The following FBXL17 variants were observed in gnomAD, a reference collection of about 807,000 sequenced individuals.
FBXL17 encodes the protein F-box and leucine rich repeat protein 17, also known as F-box/LRR-repeat protein 17.
FBXL17 carries 22 observed loss-of-function variants against 66.2 expected under a neutral mutation model. The observed-to-expected ratio is 0.33, with a 90% CI of 0.24 to 0.47. The LOEUF (loss-of-function observed/expected upper bound fraction) is 0.47. FBXL17 is among the 20% of genes least tolerant of loss of function. The probability of loss-of-function intolerance (pLI) is 1.00; values close to 1 mark genes in which losing one functional copy is unlikely to be tolerated. For synonymous variants in FBXL17, 474 were observed against 400.5 expected (o/e 1.18, Z -2.19); for missense variants, 878 against 948.2 (o/e 0.93, Z 0.97).
intron 7 of FBXL17, among the ~76,000 whole-genome samples, chr5:107,980,932 C>T (rs918737409): frequency 5.3e-5 from 8 of 151,896 alleles, no homozygotes; most frequent in Non-Finnish European, 1.2e-4. Flanking sequence ...GCATGAGGCA[C>T]CGCGCCCGGC....
At chr5:107,988,816 G>A (rs1053068365) in intron 7 of FBXL17, among the ~76,000 whole-genome samples, 4 of 151,926 alleles carry the variant, frequency 2.6e-5, no homozygotes, top group Non-Finnish European at 4.4e-5. Flanking sequence ...AACTGCCCAC[G>A]CTGGAATTTA....
At chr5:108,093,807 T>C (rs938338855) in intron 6 of FBXL17, among the ~76,000 whole-genome samples, 28 of 152,286 alleles carry the variant, frequency 1.8e-4, no homozygotes, top group African/African-American at 6.5e-4. Context: ...TTTATTCTAA[T>C]GCTTAAATTT....
At chr5:107,946,670 T>C (rs1326169784) in intron 7 of FBXL17, among the ~76,000 whole-genome samples, 1 of 151,938 alleles carries the variant, frequency 6.6e-6, no homozygotes, top group African/African-American at 2.4e-5. Flanking sequence ...CAGAAGCCCC[T>C]GCATAATTTT....
At chr5:108,350,906 C>A (rs964285857) in intron 3 of FBXL17, among the ~76,000 whole-genome samples, 4 of 152,096 alleles carry the variant, frequency 2.6e-5, no homozygotes, top group African/African-American at 9.7e-5. Context: ...GAAGATCTAA[C>A]CCAACAGCAA....
At position 108,276,915 on chromosome 5, in the gene FBXL17, A is replaced by AT. The variant is rs752666653; in HGVS notation, c.1507-52688dup. Reference sequence around the variant, plus strand: ...CATAAGCCAATGCATACCCTGGCTAATTTTTTCTCTAGGCAATTAGAGGAC... The same window carrying AT: ...CATAAGCCAATGCATACCCTGGCTAATTTTTTTCTCTAGGCAATTAGAGGAC... On this transcript the variant is annotated intron_variant, in intron 4 of 8. Coordinates refer to ENST00000542267, the MANE Select transcript of FBXL17 (RefSeq NM_001163315.3). 2.0e-4 allele frequency among the ~76,000 whole-genome samples: 31 copies of AT among 152,156 alleles called. No individual in the cohort carries two copies. The East Asian group carries it at 3.9e-3, about 19-fold the overall frequency.
intron 4 of FBXL17, among the ~76,000 whole-genome samples, chr5:108,314,052 G>T (rs1282462776): frequency 2.6e-5 from 4 of 151,656 alleles, no homozygotes; most frequent in Admixed American, 6.6e-5. Flanking sequence ...AGGTAAATAG[G>T]AGTTCTTTGT....
intron 3 of FBXL17, among the ~76,000 whole-genome samples, chr5:108,356,585 A>G (rs903471860): frequency 2.6e-5 from 4 of 152,142 alleles, no homozygotes; most frequent in African/African-American, 7.2e-5. Flanking sequence ...GTTACATACT[A>G]TATGATTCCA....
chr5:107,930,469 T>G (rs1285634876), intron 7 of FBXL17, among the ~76,000 whole-genome samples: 1 of 152,262 alleles, frequency 6.6e-6, no homozygotes, highest in Non-Finnish European at 1.5e-5. Context: ...TGTTCTTTTC[T>G]GTCACAAAGT....
chr5:108,123,566 G>T (rs1750584591), intron 6 of FBXL17, among the ~76,000 whole-genome samples: 3 of 152,072 alleles, frequency 2.0e-5, no homozygotes, highest in African/African-American at 7.2e-5. Flanking sequence ...ATATCACTGA[G>T]TCTTTTCCTT....
At chr5:108,169,538 C>T (rs564404344) in intron 6 of FBXL17, among the ~76,000 whole-genome samples, 1 of 152,230 alleles carries the variant, frequency 6.6e-6, no homozygotes, top group South Asian at 2.1e-4. Flanking sequence ...TTATGTTTCT[C>T]CAGCATTTTT....
chr5:107,910,419 C>T (rs1420343897), intron 7 of FBXL17, among the ~76,000 whole-genome samples: 1 of 152,010 alleles, frequency 6.6e-6, no homozygotes, highest in Non-Finnish European at 1.5e-5. Context: ...AGCAGAGATT[C>T]TCACTAAAAA....
At chr5:108,176,274 G>A (rs1752791917) in intron 6 of FBXL17, among the ~76,000 whole-genome samples, 1 of 152,012 alleles carries the variant, frequency 6.6e-6, no homozygotes. Context: ...TCATAACAAG[G>A]AAATATGTTT....
chr5:108,142,379 G>A (rs1751383682), intron 6 of FBXL17, among the ~76,000 whole-genome samples: 1 of 152,062 alleles, frequency 6.6e-6, no homozygotes, highest in Non-Finnish European at 1.5e-5. Context: ...ATTCTTAAAA[G>A]GTGTTTAATG....
intron 4 of FBXL17, among the ~76,000 whole-genome samples, chr5:108,226,918 T>G (rs1296701930): frequency 6.6e-6 from 1 of 152,168 alleles, no homozygotes; most frequent in Non-Finnish European, 1.5e-5. Flanking sequence ...TTAGTTTTTG[T>G]ACTTCTCAAG....
intron 6 of FBXL17, among the ~76,000 whole-genome samples, chr5:108,074,164 G>A (rs919947013): frequency 5.9e-5 from 9 of 152,088 alleles, no homozygotes; most frequent in East Asian, 1.9e-4. Context: ...TAATATGAGC[G>A]GTCCATTTTG....
rs551970749 is a variant in FBXL17 at position 107,967,440 on chromosome 5, G to A, written c.1822+53485C>T. Among the ~76,000 whole-genome samples, 5 of 147,200 alleles carry A rather than the reference G, an allele frequency of 3.4e-5. No homozygotes were observed. The East Asian group carries it at 6.2e-4, about 18-fold the overall frequency. ...GCTGGCAGTCTATATTTTAGGACCC[G>A]TTTAAAACAACATTTTCACTCATAG... On this transcript the variant is annotated intron_variant, in intron 7 of 8. Coordinates refer to ENST00000542267, the MANE Select transcript of FBXL17 (RefSeq NM_001163315.3).
At chr5:108,183,698 G>A (rs1157161811) in intron 6 of FBXL17, among the ~76,000 whole-genome samples, 1 of 152,076 alleles carries the variant, frequency 6.6e-6, no homozygotes, top group Non-Finnish European at 1.5e-5. Flanking sequence ...CCCATAGGCA[G>A]TTTTTATCCC....
chr5:108,114,580 T>C (rs897455970), intron 6 of FBXL17, among the ~76,000 whole-genome samples: 1 of 152,218 alleles, frequency 6.6e-6, no homozygotes, highest in African/African-American at 2.4e-5. Flanking sequence ...TATTCTTATT[T>C]GTGGACATTT....
intron 6 of FBXL17, among the ~76,000 whole-genome samples, chr5:108,059,590 G>A (rs952995485): frequency 6.6e-6 from 1 of 152,164 alleles, no homozygotes; most frequent in African/African-American, 2.4e-5. Context: ...AGCACTGCAG[G>A]AGACCGCCTC....
Sources: allele counts gnomAD v4.1 joint callset (sites outside exome capture counted in the v4.1 genomes callset), GRCh38; gene constraint gnomAD v4.1.1; transcripts MANE v1.5; gene names NCBI Gene and HGNC (gene_info 2026-07-23, HGNC 2026-07-21).